The following ADD1 variants were observed in gnomAD, a reference collection of about 807,000 sequenced individuals.
The protein encoded by ADD1 is adducin 1.
ADD1 carries 24 observed loss-of-function variants against 80.5 expected under a neutral mutation model. The ratio of observed to expected loss-of-function variants is 0.30; its 90% CI spans 0.22 to 0.42. The LOEUF is 0.42. Among genes scored for constraint, ADD1 ranks in the 10% least tolerant of loss-of-function variants. The probability of loss-of-function intolerance (pLI) is 1.00; values close to 1 mark genes in which losing one functional copy is unlikely to be tolerated. For synonymous variants in ADD1, 373 were observed against 393.8 expected (o/e 0.95, Z 0.63); for missense variants, 948 against 1,019.0 (o/e 0.93, Z 0.95).
At chr4:2,860,563 G>A (rs1452691943) in intron 1 of ADD1, among the ~76,000 whole-genome samples, 1 of 152,154 alleles carries the variant, frequency 6.6e-6, no homozygotes, top group African/African-American at 2.4e-5. Context: ...TGTTAGATCT[G>A]GAAATGTATT....
chr4:2,875,799 C>T (rs1318902713), intron 1 of ADD1, 97 bp from the exon 2 acceptor site: 6 of 1,006,750 alleles, frequency 6.0e-6, no homozygotes, highest in Non-Finnish European at 8.6e-6. Context: ...TTACATCCTC[C>T]TGTTGAAGAT....
intron 14 of ADD1, among the ~76,000 whole-genome samples, chr4:2,920,202 G>A (rs1739763954): frequency 6.6e-6 from 1 of 152,210 alleles, no homozygotes; most frequent in African/African-American, 2.4e-5. Context: ...TGGTCTGAGA[G>A]ACTGTTTGTT....
intron 13 of ADD1, among the ~76,000 whole-genome samples, chr4:2,913,945 G>C (rs1426342979): frequency 6.6e-6 from 1 of 151,910 alleles, no homozygotes; most frequent in Non-Finnish European, 1.5e-5. Context: ...TGTAGTCCCA[G>C]CTACTCGGGA....
At chr4:2,863,219 A>ATTTTTTTTTTT (rs34312305) in intron 1 of ADD1, among the ~76,000 whole-genome samples, 2 of 123,760 alleles carry the variant, frequency 1.6e-5, no homozygotes, top group African/African-American at 3.0e-5. Flanking sequence ...CTAATTTTTA[A>ATTTTTTTTTTT]TTTTTTTTTT....
At chr4:2,869,846 G>T (rs1041398644) in intron 1 of ADD1, among the ~76,000 whole-genome samples, 2 of 152,124 alleles carry the variant, frequency 1.3e-5, no homozygotes, top group African/African-American at 4.8e-5. Flanking sequence ...AATTCCAAAG[G>T]CTCTCTGGAG....
rs1267101714 is a variant in ADD1 at position 2,905,081 on chromosome 4, C to T, written c.1479C>T (p.Cys493=). 1.2e-6 allele frequency: 2 copies of T among 1,614,194 alleles called. No individual in the cohort carries two copies. Among genetic ancestry groups the T allele is most frequent in the Non-Finnish European group, 1.7e-6 (2 of 1,180,042 alleles). The part of the protein sequence containing the change: ...PLLQSLSSGV[C]VPSCITNCLW... ...TGCAGTCTCTCTCGTCCGGTGTCTG[C>T]GTGCCAAGCTGTATTACCAACTGCT... Residue 493 remains cysteine (C), a synonymous_variant, in exon 10 of 16, where the codon TGC becomes TGT. Transcript: ENST00000683351.
At chr4:2,927,849 C>T (rs558375008) in intron 15 of ADD1, among the ~76,000 whole-genome samples, 3 of 152,218 alleles carry the variant, frequency 2.0e-5, no homozygotes, top group African/African-American at 4.8e-5. Flanking sequence ...GAAAGCGGGA[C>T]GTCGCTCCTT....
chr4:2,928,579 C>G lies in ADD1; in HGVS notation c.*56C>G. ...GCGACCCTGGCTCTGCCAGCGTCCC[C>G]GGCCACGTCTGTGCTCTGTCCTTGT... On this transcript the variant is annotated 3_prime_UTR_variant, in exon 16 of 16. Transcript: ENST00000683351. The G allele has an allele frequency of 1.3e-6, 2 of 1,551,098 alleles. No homozygotes were observed. The highest frequency in any genetic ancestry group is 2.0e-5 in the Admixed American group (1 of 49,870).
chr4:2,846,416 G>A (rs1484679602), intron 1 of ADD1, among the ~76,000 whole-genome samples: 1 of 152,166 alleles, frequency 6.6e-6, no homozygotes, highest in African/African-American at 2.4e-5. Flanking sequence ...TAGGTAAGTA[G>A]GCAGAAATGA....
At position 2,926,389 on chromosome 4, in the gene ADD1, T is replaced by A; in HGVS notation, c.2047+277T>A. Reference sequence around the variant, plus strand: ...TCCACGTTGCCCATTGCTCGCACACTCCTCGTGCCGTGTTGTCATGCAGAT... The same window carrying A: ...TCCACGTTGCCCATTGCTCGCACACACCTCGTGCCGTGTTGTCATGCAGAT... On this transcript the variant is annotated intron_variant, in intron 15 of 15. Transcript: ENST00000683351. This position sits in a 1 kb window ranked among gnomAD's most constrained non-coding sequence, Gnocchi z 5.0. The A allele has an allele frequency of 2.8e-6, 2 of 702,134 alleles. No homozygotes were observed. The highest frequency in any genetic ancestry group is 3.0e-5 in the South Asian group (2 of 66,636). The allele number at this position is 702,134 out of a possible 1,614,324, so 43.5% of individuals were successfully genotyped here. A position where few individuals can be genotyped will look rare whatever the true frequency, so the allele number is the denominator to read the frequency against.
At chr4:2,844,927 G>C (rs576615676) in intron 1 of ADD1, 1 of 152,208 alleles carries the variant, frequency 6.6e-6, no homozygotes, top group Non-Finnish European at 1.5e-5. Flanking sequence ...GTGTCTATGA[G>C]TAGAGGCGCC....
At chr4:2,865,214 A>G (rs1174637969) in intron 1 of ADD1, among the ~76,000 whole-genome samples, 1 of 152,044 alleles carries the variant, frequency 6.6e-6, no homozygotes, top group African/African-American at 2.4e-5. Flanking sequence ...GTTTTTGTGA[A>G]GACTAGACCA....
intron 14 of ADD1, among the ~76,000 whole-genome samples, chr4:2,923,980 G>C (rs1740542157): frequency 6.6e-6 from 1 of 152,022 alleles, no homozygotes; most frequent in South Asian, 2.1e-4. Context: ...TGTGTGTAGG[G>C]CTTGGGGTTT....
intron 9 of ADD1, among the ~76,000 whole-genome samples, chr4:2,903,115 AG>A (rs1268120397): frequency 6.6e-6 from 1 of 152,156 alleles, no homozygotes; most frequent in Non-Finnish European, 1.5e-5. Flanking sequence ...CAGTACCCAG[AG>A]GGGAGAGAGA....
At chr4:2,924,775 G>A (rs1740691533) in intron 14 of ADD1, among the ~76,000 whole-genome samples, 1 of 152,206 alleles carries the variant, frequency 6.6e-6, no homozygotes, top group Admixed American at 6.5e-5. Context: ...GTGAAGCTTT[G>A]TCTGAGCCAT....
intron 14 of ADD1, among the ~76,000 whole-genome samples, chr4:2,919,350 A>G (rs931192185): frequency 8.5e-5 from 13 of 152,212 alleles, no homozygotes; most frequent in African/African-American, 3.1e-4. Context: ...GCCTCATACA[A>G]TGAGTTAGGG....
chr4:2,872,631 C>G (rs1037951234), intron 1 of ADD1, among the ~76,000 whole-genome samples: 7 of 152,336 alleles, frequency 4.6e-5, no homozygotes, highest in East Asian at 1.9e-4. Flanking sequence ...CATCATGGCT[C>G]TCTGCAGCCT....
intron 1 of ADD1, among the ~76,000 whole-genome samples, chr4:2,851,733 G>C (rs1446233206): frequency 6.6e-6 from 1 of 152,164 alleles, no homozygotes; most frequent in African/African-American, 2.4e-5. Flanking sequence ...CTCATAGAAT[G>C]AACTCCCTTT....
chr4:2,905,774 A>C (rs1378175303), intron 10 of ADD1: 1 of 153,044 alleles, frequency 6.5e-6, no homozygotes, highest in African/African-American at 2.4e-5. Flanking sequence ...CACCAGCGAC[A>C]GACGCTGCAA....
Sources: gnomAD v4.1 joint callset for allele counts (sites outside exome capture counted in the v4.1 genomes callset) on GRCh38, gnomAD v4.1.1 for gene constraint, Gnocchi (gnomAD v3.1) non-coding constraint, MANE v1.5 for transcripts, NCBI Gene and HGNC (gene_info 2026-07-23, HGNC 2026-07-21) for gene names.